Variants in FAS observed in about 807,000 individuals in gnomAD.
The protein encoded by FAS is tumor necrosis factor receptor superfamily member 6.
FAS carries 5 observed loss-of-function variants against 33.2 expected under a neutral mutation model. That is an observed-to-expected ratio of 0.15 (90% CI 0.08 to 0.32). FAS has a LOEUF of 0.32. Ranked by LOEUF, FAS falls within the 10% of genes least tolerant of loss-of-function variation. FAS has a pLI of 1.00. For synonymous variants in FAS, 131 were observed against 130.7 expected, an observed-to-expected ratio of 1.00 and a Z score of -0.01; for missense variants, 339 against 386.0, an observed-to-expected ratio of 0.88 and a Z score of 1.02.
chr10:89,008,855 G>T (rs371893137), intron 3 of FAS, 34 bp from the exon 4 acceptor site: 60 of 1,589,640 alleles, frequency 3.8e-5, no homozygotes, highest in Non-Finnish European at 5.0e-5. Context: ...ATAATTAGCC[G>T]CTATAACTAA....
chr10:88,968,247 C>T (rs886262643), intron 1 of FAS, among the ~76,000 whole-genome samples: 1 of 152,176 alleles, frequency 6.6e-6, no homozygotes, highest in African/African-American at 2.4e-5. Context: ...ACTAACCAGA[C>T]ACCTAATTAT....
At chr10:88,992,859 A>C (rs3824729) in intron 1 of FAS, among the ~76,000 whole-genome samples, 1 of 152,012 alleles carries the variant, frequency 6.6e-6, no homozygotes, top group East Asian at 1.9e-4. Flanking sequence ...AAGAAGTTTC[A>C]ACACTCTTGT....
chr10:89,000,506 T>C (rs1037327778), intron 1 of FAS, among the ~76,000 whole-genome samples: 2 of 152,238 alleles, frequency 1.3e-5, no homozygotes, highest in African/African-American at 4.8e-5. Flanking sequence ...AGAAAAATAG[T>C]CTTATCAACT....
At position 89,009,012 on chromosome 10, in the gene FAS, T is replaced by G; in HGVS notation, c.443+15T>G. ...CCTTGCACCAAGTAAGTTTTAGTCT[T>G]TCTCTGATTAAAACACTAGATATAA... On this transcript the variant is annotated intron_variant, in intron 4 of 8. Transcript: ENST00000652046. 1.3e-6 allele frequency: 2 copies of G among 1,579,896 alleles called. No homozygotes were observed. Among genetic ancestry groups the G allele is most frequent in the Non-Finnish European group, 8.7e-7 (1 of 1,148,982 alleles).
intron 4 of FAS, among the ~76,000 whole-genome samples, chr10:89,009,508 C>T (rs1380532120): frequency 1.3e-5 from 2 of 152,186 alleles, no homozygotes; most frequent in African/African-American, 4.8e-5. Flanking sequence ...CTCAGGAAAA[C>T]AGAATACCTG....
upstream of FAS, among the ~76,000 whole-genome samples, chr10:88,983,329 G>A (rs924827694): frequency 2.0e-5 from 3 of 152,070 alleles, no homozygotes; most frequent in Non-Finnish European, 4.4e-5. Flanking sequence ...AAAATAATAT[G>A]ACAAGAGTAT....
intron 1 of FAS, among the ~76,000 whole-genome samples, chr10:88,970,343 C>G (rs1846405464): frequency 6.6e-6 from 1 of 152,140 alleles, no homozygotes; most frequent in South Asian, 2.1e-4. Flanking sequence ...GATTGTCTGT[C>G]CTCTTCGCTG....
intron 1 of FAS, among the ~76,000 whole-genome samples, chr10:88,995,929 C>A (rs1475374244): frequency 6.6e-6 from 1 of 152,186 alleles, no homozygotes; most frequent in African/African-American, 2.4e-5. Context: ...CTCAGCCCAG[C>A]AAAGTGAGCA....
At chr10:88,998,459 T>G (rs753171236) in intron 1 of FAS, among the ~76,000 whole-genome samples, 1 of 152,128 alleles carries the variant, frequency 6.6e-6, no homozygotes, top group Non-Finnish European at 1.5e-5. Flanking sequence ...ATACCAAATT[T>G]CCTCTTCTTA....
chr10:89,008,164 C>T (rs1001363240), intron 3 of FAS, among the ~76,000 whole-genome samples: 1 of 152,112 alleles, frequency 6.6e-6, no homozygotes. Context: ...TCGTTCATGG[C>T]CAGAAAAATT....
At chr10:88,994,971 AAAT>A (rs1244398865) in intron 1 of FAS, among the ~76,000 whole-genome samples, 1 of 151,756 alleles carries the variant, frequency 6.6e-6, no homozygotes, top group Admixed American at 6.6e-5. Flanking sequence ...TTGTGATGAA[AAAT>A]AATAAAATAA....
intron 1 of FAS, among the ~76,000 whole-genome samples, chr10:89,000,754 A>G (rs182472815): frequency 2.6e-4 from 39 of 152,300 alleles, no homozygotes; most frequent in Admixed American, 1.2e-3. Context: ...GCCTAGAGGT[A>G]AAATCCTCTT....
intron 6 of FAS, 110 bp downstream of exon 6, chr10:89,010,925 AT>A: frequency 7.8e-7 from 1 of 1,285,662 alleles, no homozygotes; most frequent in Non-Finnish European, 1.1e-6. Context: ...AGATTTATGT[AT>A]TGTTAATTTC....
chr10:88,973,248 T>C lies in FAS; in HGVS notation n.161T>C. 3 of 1,612,694 alleles carry C rather than the reference T, an allele frequency of 1.9e-6. No individual in the cohort carries two copies. The South Asian group carries it at 3.3e-5, about 18-fold the overall frequency. ...GGAGATGGAGCCCCTGAAAATTGGCTATGGACCAAATGGATTCCCACTCTT... is the reference window on the plus strand; with the variant it reads ...GGAGATGGAGCCCCTGAAAATTGGCCATGGACCAAATGGATTCCCACTCTT... On this transcript the variant is annotated non_coding_transcript_exon_variant, in exon 2 of 4. Transcript: ENST00000688239.
At chr10:89,005,107 T>C (rs7896789) in intron 2 of FAS, among the ~76,000 whole-genome samples, 23,915 of 140,206 alleles carry the variant, frequency 0.17, 2,237 homozygotes, top group East Asian at 0.47. Flanking sequence ...GTAGGAAAAA[T>C]CACAAAAATC....
upstream of FAS, among the ~76,000 whole-genome samples, chr10:88,987,795 T>A (rs1846948051): frequency 6.6e-6 from 1 of 152,240 alleles, no homozygotes; most frequent in South Asian, 2.1e-4. Context: ...AGCTAGGCCA[T>A]GGCACTTGGC....
In FAS at chr10:89,009,147, C is replaced by A. The variant is rs1215563673; in HGVS notation, c.443+150C>A. ...CTAGATGACTGTTTGCTCATTTAAA[C>A]ACTGGTGAACTTCCTGTGTAGGTGA... On this transcript the variant is annotated intron_variant, in intron 4 of 8. Transcript: ENST00000652046. 6 of 820,838 alleles carry A rather than the reference C, an allele frequency of 7.3e-6. No homozygotes were observed. In the African/African-American group the frequency reaches 8.4e-5, roughly 11 times the overall value. The allele number at this position is 820,838 out of a possible 1,614,324, so 50.8% of individuals were successfully genotyped here.
Position 89,015,582 on chromosome 10 carries a change from A to G in FAS, c.*1132A>G, listed in dbSNP as rs1848767947. 1.9e-6 allele frequency: 1 copy of G among 517,222 alleles called. No individual in the cohort carries two copies. The highest frequency in any genetic ancestry group is 3.7e-6 in the Non-Finnish European group (1 of 270,260). The allele number at this position is 517,222 out of a possible 1,614,324, so 32.0% of individuals were successfully genotyped here. ...CTCCTTACTACTATCCTACGTTTAA[A>G]TATCTTTGAAAGTTTGTATTAAATG... On this transcript the variant is annotated 3_prime_UTR_variant, in exon 9 of 9. Coordinates refer to ENST00000652046, the MANE Select transcript of FAS (RefSeq NM_000043.6).
At chr10:89,003,451 C>T (rs1848049242) in intron 2 of FAS, among the ~76,000 whole-genome samples, 1 of 152,090 alleles carries the variant, frequency 6.6e-6, no homozygotes, top group Non-Finnish European at 1.5e-5. Context: ...CTATTTGGCT[C>T]CATTTTTTTC....
Sources: gnomAD v4.1 joint callset for allele counts (sites outside exome capture counted in the v4.1 genomes callset) on GRCh38, gnomAD v4.1.1 for gene constraint, MANE v1.5 for transcripts, NCBI Gene and HGNC (gene_info 2026-07-23, HGNC 2026-07-21) for gene names.